The following PARD3 variants were observed in gnomAD, a reference collection of about 807,000 sequenced individuals.
The protein encoded by PARD3 is partitioning defective 3 homolog.
Under a neutral mutation model 155.4 loss-of-function variants are expected in PARD3, and 75 were observed. The ratio of observed to expected loss-of-function variants is 0.48; its 90% CI spans 0.40 to 0.58. The LOEUF (loss-of-function observed/expected upper bound fraction) is 0.58, where lower values mean the gene tolerates loss of function less well. Among genes scored for constraint, PARD3 ranks in the 20% least tolerant of loss-of-function variants. The probability of loss-of-function intolerance (pLI) is 0.00; values close to 1 mark genes in which losing one functional copy is unlikely to be tolerated. For missense variants in PARD3, 1,642 were observed against 1,721.7 expected, an observed-to-expected ratio of 0.95 and a Z score of 0.82; for synonymous variants, 576 against 610.5, an observed-to-expected ratio of 0.94 and a Z score of 0.83.
intron 2 of PARD3, among the ~76,000 whole-genome samples, chr10:34,548,344 C>A (rs1657223): frequency 0.14 from 21,515 of 151,264 alleles, 2,035 homozygotes; most frequent in East Asian, 0.37. Context: ...CACACACACA[C>A]AAAAAAAAGC....
intron 12 of PARD3, among the ~76,000 whole-genome samples, chr10:34,365,034 T>G (rs902563159): frequency 1.3e-5 from 2 of 152,206 alleles, no homozygotes; most frequent in African/African-American, 4.8e-5. Context: ...TGTGGTGAAA[T>G]GCGCATGTTC....
At chr10:34,221,344 A>G (rs1391616638) in intron 22 of PARD3, among the ~76,000 whole-genome samples, 3 of 150,074 alleles carry the variant, frequency 2.0e-5, no homozygotes, top group Non-Finnish European at 4.4e-5. Context: ...AGAGGTGCTG[A>G]GAGCCTCAGG....
intron 2 of PARD3, among the ~76,000 whole-genome samples, chr10:34,598,865 G>A (rs2089521003): frequency 6.6e-6 from 1 of 152,122 alleles, no homozygotes; most frequent in South Asian, 2.1e-4. Flanking sequence ...AAGACTGAAA[G>A]CCCAAGCCCC....
At chr10:34,705,385 G>A (rs1262598910) in intron 1 of PARD3, among the ~76,000 whole-genome samples, 2 of 152,058 alleles carry the variant, frequency 1.3e-5, no homozygotes, top group Admixed American at 1.3e-4. Flanking sequence ...CTACTGGGGA[G>A]GCTAAAGCAG....
chr10:34,770,385 G>A (rs528753105), intron 1 of PARD3, among the ~76,000 whole-genome samples: 32 of 145,292 alleles, frequency 2.2e-4, no homozygotes, highest in African/African-American at 3.4e-4. Context: ...TCGAGCCCTC[G>A]GCTAGCCTGT....
chr10:34,701,310 C>T (rs1047828949), intron 1 of PARD3, among the ~76,000 whole-genome samples: 1 of 151,186 alleles, frequency 6.6e-6, no homozygotes, highest in Non-Finnish European at 1.5e-5. Context: ...TGAAAGCCCA[C>T]TGAAACCACA....
At chr10:34,111,612 G>A in intron 24 of PARD3, 50 bp from the exon 25 acceptor site, 2 of 1,494,846 alleles carry the variant, frequency 1.3e-6, no homozygotes, top group East Asian at 2.3e-5. Flanking sequence ...GAAGGAGGGA[G>A]AGGGAGGAAA....
chr10:34,465,442 AACTAAGAAAGC>A (rs1310282740), intron 4 of PARD3, among the ~76,000 whole-genome samples: 1 of 152,236 alleles, frequency 6.6e-6, no homozygotes, highest in Non-Finnish European at 1.5e-5. Flanking sequence ...ACAAAGACAT[AACTAAGAAAGC>A]ATCTCTTACA....
At chr10:34,798,410 GA>G (rs369342398) in intron 1 of PARD3, among the ~76,000 whole-genome samples, 15 of 144,520 alleles carry the variant, frequency 1.0e-4, no homozygotes, top group African/African-American at 2.8e-4. Flanking sequence ...AGAGGAAGAA[GA>G]AAAAAAAAAC....
intron 12 of PARD3, among the ~76,000 whole-genome samples, chr10:34,367,480 C>G (rs1165576702): frequency 1.3e-5 from 2 of 151,916 alleles, no homozygotes; most frequent in East Asian, 1.9e-4. Flanking sequence ...CAGAGGCGGG[C>G]AGATCACGAG....
rs187485341 is a variant in PARD3, at chr10:34,168,590, G to A, written c.3420-37007C>T. Among the ~76,000 whole-genome samples, 265 of 152,244 alleles carry A rather than the reference G, an allele frequency of 1.7e-3. 2 individuals are homozygous for A. Among genetic ancestry groups the A allele is most frequent in the African/African-American group, 5.7e-3 (235 of 41,556 alleles). On this transcript the variant is annotated intron_variant, in intron 22 of 24. Coordinates refer to ENST00000374788, the MANE Select transcript of PARD3 (RefSeq NM_001184785.2). Reference sequence around the variant, plus strand: ...TGATTTGGTAAGTCATTGGGAGGGCGAGGAGCTGCACTCTGATATGTCCTG... The same window carrying A: ...TGATTTGGTAAGTCATTGGGAGGGCAAGGAGCTGCACTCTGATATGTCCTG...
intron 2 of PARD3, among the ~76,000 whole-genome samples, chr10:34,662,931 C>T (rs2093360559): frequency 6.7e-6 from 1 of 150,104 alleles, no homozygotes; most frequent in African/African-American, 2.5e-5. Context: ...AAGCCAGGCA[C>T]AGAAAGACAA....
chr10:34,715,045 T>C (rs1427585605), intron 1 of PARD3, among the ~76,000 whole-genome samples: 1 of 151,172 alleles, frequency 6.6e-6, no homozygotes, highest in East Asian at 1.9e-4. Flanking sequence ...GTGCTGGGAT[T>C]ACAGGCGTAA....
chr10:34,125,950 T>TA (rs1455736603), intron 23 of PARD3, among the ~76,000 whole-genome samples: 4 of 152,226 alleles, frequency 2.6e-5, no homozygotes, highest in Non-Finnish European at 4.4e-5. Flanking sequence ...ATACTGTACT[T>TA]ACGTCTGCAG....
In PARD3 at chr10:34,637,894, G is replaced by A. The variant is rs114834971; in HGVS notation, c.222+58424C>T. 3.2e-3 allele frequency among the ~76,000 whole-genome samples: 484 copies of A among 152,306 alleles called. 2 individuals are homozygous for A. The highest frequency in any genetic ancestry group is 0.011 in the African/African-American group (450 of 41,570). On this transcript the variant is annotated intron_variant, in intron 2 of 24. Coordinates refer to ENST00000374788, the MANE Select transcript of PARD3 (RefSeq NM_001184785.2). Reference sequence around the variant, plus strand: ...AGGCGTGAAATATATTCAAAAGCCAGGTATACAAGCATGTTTACACAGTAC... The same window carrying A: ...AGGCGTGAAATATATTCAAAAGCCAAGTATACAAGCATGTTTACACAGTAC...
chr10:34,337,709 C>T (rs896439241), intron 16 of PARD3, among the ~76,000 whole-genome samples: 2 of 152,102 alleles, frequency 1.3e-5, no homozygotes, highest in African/African-American at 4.8e-5. Flanking sequence ...TTTGACAATA[C>T]AGAATTATTT....
intron 20 of PARD3, among the ~76,000 whole-genome samples, chr10:34,292,970 T>C (rs1021611397): frequency 2.6e-5 from 4 of 152,064 alleles, no homozygotes; most frequent in African/African-American, 7.2e-5. Flanking sequence ...AGATGAGGAA[T>C]TGGAAATAGG....
At chr10:34,696,972 G>A (rs936749129) in intron 1 of PARD3, among the ~76,000 whole-genome samples, 6 of 150,484 alleles carry the variant, frequency 4.0e-5, no homozygotes, top group African/African-American at 1.5e-4. Context: ...TGTGGCTTGA[G>A]CCTCTTTTTA....
intron 22 of PARD3, among the ~76,000 whole-genome samples, chr10:34,235,184 T>C (rs73270712): frequency 0.018 from 2,750 of 152,350 alleles, 103 homozygotes; most frequent in African/African-American, 0.062. Flanking sequence ...CATATTTTCT[T>C]CATTCATTTT....
Sources: allele counts gnomAD v4.1 joint callset (sites outside exome capture counted in the v4.1 genomes callset), GRCh38; gene constraint gnomAD v4.1.1; transcripts MANE v1.5; gene names NCBI Gene and HGNC (gene_info 2026-07-23, HGNC 2026-07-21).